The following PPP2R2C variants were observed in gnomAD, a reference collection of about 807,000 sequenced individuals.
PPP2R2C encodes protein phosphatase 2 regulatory subunit Bgamma, also known as protein phosphatase 2, regulatory subunit B, gamma.
A neutral mutation model predicts 45.3 loss-of-function variants in PPP2R2C; 10 were observed. That is an observed-to-expected ratio of 0.22 (90% CI 0.14 to 0.37). The LOEUF is 0.37. Among genes scored for constraint, PPP2R2C ranks in the 10% least tolerant of loss-of-function variants. The probability of loss-of-function intolerance (pLI) is 1.00; values close to 1 mark genes in which losing one functional copy is unlikely to be tolerated. For synonymous variants in PPP2R2C, 257 were observed against 245.4 expected, an observed-to-expected ratio of 1.05 and a Z score of -0.44; for missense variants, 308 against 619.7, an observed-to-expected ratio of 0.50 and a Z score of 5.34.
rs1714504084 is a variant in PPP2R2C, at chr4:6,368,257, C to G, written c.625+4266G>C. ...ACCACACCCCTGGCTTACCCTCCAC[C>G]GACCTGAGGCCTGCAGCCAGCAGCA... On this transcript the variant is annotated intron_variant, in intron 5 of 8. Coordinates refer to ENST00000382599, the MANE Select transcript of PPP2R2C (RefSeq NM_020416.4). The surrounding 1 kb of genome is among the most constrained non-coding windows in gnomAD (Gnocchi z 4.2). Among the ~76,000 whole-genome samples, 1 of 152,202 alleles carries G rather than the reference C, an allele frequency of 6.6e-6. No individual in the cohort carries two copies. The highest frequency in any genetic ancestry group is 6.5e-5 in the Admixed American group (1 of 15,282).
chr4:6,399,000 G>A (rs1577147064), intron 1 of PPP2R2C, among the ~76,000 whole-genome samples: 1 of 152,304 alleles, frequency 6.6e-6, no homozygotes, highest in South Asian at 2.1e-4. Flanking sequence ...AAAAATGCAT[G>A]CATCTATGAC....
At chr4:6,433,652 T>C (rs12507333) in intron 1 of PPP2R2C, among the ~76,000 whole-genome samples, 31,286 of 152,168 alleles carry the variant, frequency 0.21, 4,163 homozygotes, top group Admixed American at 0.36. Context: ...GGTTCAACTA[T>C]ACATGCAGTC....
upstream of PPP2R2C, among the ~76,000 whole-genome samples, chr4:6,476,198 C>A (rs1172322724): frequency 6.6e-6 from 1 of 152,214 alleles, no homozygotes; most frequent in Non-Finnish European, 1.5e-5. Flanking sequence ...TGAAGAACGA[C>A]CACAAAGTAA....
At chr4:6,448,086 C>T (rs1720529190) in intron 1 of PPP2R2C, among the ~76,000 whole-genome samples, 1 of 152,114 alleles carries the variant, frequency 6.6e-6, no homozygotes, top group Non-Finnish European at 1.5e-5. Flanking sequence ...TGAGAAAACC[C>T]CGCACAGAGG....
chr4:6,515,882 G>A lies in PPP2R2C; in HGVS notation c.49+19389C>T, dbSNP rs562009416. Reference sequence around the variant, plus strand: ...TTCTTCCTCACCTCTCCCAGCTTCCGGCATTGCCAGCAATGGTTGGTGCTC... The same window carrying A: ...TTCTTCCTCACCTCTCCCAGCTTCCAGCATTGCCAGCAATGGTTGGTGCTC... On this transcript the variant is annotated intron_variant, in intron 2 of 9. Transcript: ENST00000506140. Among the ~76,000 whole-genome samples the A allele has an allele frequency of 2.0e-4, 31 of 152,262 alleles. No homozygotes were observed. In the East Asian group the frequency reaches 2.7e-3, roughly 13 times the overall value.
At chr4:6,341,618 A>G (rs1733451885) in intron 6 of PPP2R2C, among the ~76,000 whole-genome samples, 2 of 152,174 alleles carry the variant, frequency 1.3e-5, no homozygotes, top group Non-Finnish European at 1.5e-5. Context: ...GGGGCTTTGC[A>G]GATGTCATTA....
At chr4:6,539,638 A>G (rs1012834411) in intron 1 of PPP2R2C, among the ~76,000 whole-genome samples, 2 of 152,230 alleles carry the variant, frequency 1.3e-5, no homozygotes, top group South Asian at 4.1e-4. Flanking sequence ...TCTCAAGCCC[A>G]GACTACAGAA....
At chr4:6,337,108 G>GTATATATA (rs1245832072) in intron 6 of PPP2R2C, among the ~76,000 whole-genome samples, 3 of 33,240 alleles carry the variant, frequency 9.0e-5, no homozygotes, top group African/African-American at 2.3e-4. Context: ...CTGTATGTGT[G>GTATATATA]TGTGTATATA....
At chr4:6,534,817 G>A (rs952840638) in intron 2 of PPP2R2C, among the ~76,000 whole-genome samples, 1 of 152,232 alleles carries the variant, frequency 6.6e-6, no homozygotes, top group African/African-American at 2.4e-5. Flanking sequence ...TTAACAGACT[G>A]ACTCTGTCTG....
intron 6 of PPP2R2C, among the ~76,000 whole-genome samples, chr4:6,337,155 T>C: frequency 9.2e-6 from 1 of 109,146 alleles, no homozygotes; most frequent in South Asian, 3.2e-4. Flanking sequence ...TATATATATA[T>C]ATATATTTGT....
At chr4:6,506,979 C>T (rs906169057) in intron 2 of PPP2R2C, among the ~76,000 whole-genome samples, 21 of 152,258 alleles carry the variant, frequency 1.4e-4, no homozygotes, top group Non-Finnish European at 2.4e-4. Context: ...CACCAGATCA[C>T]CGGATGGAAG....
intron 2 of PPP2R2C, among the ~76,000 whole-genome samples, chr4:6,522,821 G>T (rs1334084956): frequency 6.6e-6 from 1 of 152,264 alleles, no homozygotes; most frequent in Non-Finnish European, 1.5e-5. Context: ...GAGGCACTCC[G>T]CCCAGGAGGG....
chr4:6,396,914 C>A (rs1717080216), intron 1 of PPP2R2C, among the ~76,000 whole-genome samples: 1 of 151,852 alleles, frequency 6.6e-6, no homozygotes, highest in Non-Finnish European at 1.5e-5. Context: ...TAACTATTGA[C>A]TCCCGCGCAC....
chr4:6,540,775 A>C (rs1386042522), intron 1 of PPP2R2C, among the ~76,000 whole-genome samples: 1 of 152,234 alleles, frequency 6.6e-6, no homozygotes, highest in African/African-American at 2.4e-5. Context: ...TCAGGGAGAG[A>C]CTGATGGGGA....
chr4:6,342,166 A>T (rs1733506001), intron 6 of PPP2R2C, among the ~76,000 whole-genome samples: 2 of 151,976 alleles, frequency 1.3e-5, no homozygotes, highest in South Asian at 4.2e-4. Context: ...AAGAAAAGAA[A>T]AAGTTAGGTA....
chr4:6,366,371 G>A (rs554433810), intron 5 of PPP2R2C, among the ~76,000 whole-genome samples: 1 of 152,190 alleles, frequency 6.6e-6, no homozygotes, highest in East Asian at 1.9e-4. Context: ...TCAAAAAGGA[G>A]GTGTCTGTAT....
intron 6 of PPP2R2C, 53 bp downstream of exon 6, chr4:6,347,793 A>AC: frequency 2.1e-4 from 115 of 535,804 alleles, no homozygotes; most frequent in South Asian, 4.0e-4. Context: ...AGGACATCCC[A>AC]CCCGCCCGCC....
intron 6 of PPP2R2C, among the ~76,000 whole-genome samples, chr4:6,340,520 T>C (rs1340279433): frequency 6.6e-6 from 1 of 151,858 alleles, no homozygotes; most frequent in Non-Finnish European, 1.5e-5. Context: ...CCTGAAGCCA[T>C]CCCCGACCCT....
At position 6,501,009 on chromosome 4, in the gene PPP2R2C, G is replaced by A. The variant is rs187892583; in HGVS notation, c.49+34262C>T. ...CAGAATGCCTGCCTGCTGCCACACA[G>A]CCAGGCAAGCTGCCCAAACAGATCC... On this transcript the variant is annotated intron_variant, in intron 2 of 9. Coordinates refer to the PPP2R2C transcript ENST00000506140. 1.4e-3 allele frequency among the ~76,000 whole-genome samples: 214 copies of A among 152,338 alleles called. 5 individuals are homozygous for A. The East Asian group carries it at 0.033, about 23-fold the overall frequency.
Sources: allele counts gnomAD v4.1 joint callset (sites outside exome capture counted in the v4.1 genomes callset), GRCh38; gene constraint gnomAD v4.1.1; non-coding constraint Gnocchi (gnomAD v3.1); transcripts MANE v1.5; gene names NCBI Gene and HGNC (gene_info 2026-07-23, HGNC 2026-07-21).